FOXM1: variants seen among roughly 807,000 people sequenced by gnomAD.
FOXM1 encodes forkhead box protein M1.
FOXM1 carries 25 observed loss-of-function variants against 63.6 expected under a neutral mutation model. The ratio of observed to expected loss-of-function variants is 0.39; its 90% CI spans 0.29 to 0.55. The LOEUF is 0.55. Ranked by LOEUF, FOXM1 falls within the 20% of genes least tolerant of loss-of-function variation. The probability of loss-of-function intolerance (pLI) is 0.60; values close to 1 mark genes in which losing one functional copy is unlikely to be tolerated. For missense variants in FOXM1, 879 were observed against 958.7 expected (o/e 0.92, Z 1.10); for synonymous variants, 387 against 376.9 (o/e 1.03, Z -0.31).
chr12:2,870,501 A>G (rs922477566), intron 3 of FOXM1, among the ~76,000 whole-genome samples: 1 of 151,872 alleles, frequency 6.6e-6, no homozygotes, highest in Admixed American at 6.6e-5. Context: ...CATCTCTACT[A>G]AAAATAAAAA....
In FOXM1 at chr12:2,872,057, C is replaced by T. The variant is rs199648256; in HGVS notation, c.654+39G>A. On this transcript the variant is annotated intron_variant, in intron 3 of 8. Coordinates refer to ENST00000359843, the MANE Select transcript of FOXM1 (RefSeq NM_021953.4). This position sits in a 1 kb window ranked among gnomAD's most constrained non-coding sequence, Gnocchi z 4.0. ...TTTCCCTACCTAGGAATTCCCTACA[C>T]TGGATCTGATTTCTTTAGTGAGGGA... 1.2e-6 allele frequency: 2 copies of T among 1,610,972 alleles called. No individual in the cohort carries two copies. The highest frequency in any genetic ancestry group is 1.7e-6 in the Non-Finnish European group (2 of 1,177,384).
In FOXM1 at chr12:2,872,615, TAAAA is replaced by T. The variant is rs147408386; in HGVS notation, c.503-372_503-369del. 0.013 allele frequency among the ~76,000 whole-genome samples: 1,956 copies of T among 151,580 alleles called. 17 individuals are homozygous for T. The highest frequency in any genetic ancestry group is 0.048 in the Middle Eastern group (14 of 294). ...GACTCTGTCTCAGAAAAATAAAAAA[TAAAA>T]AAGAAAGAATTGGTGGCTAGGGATC... On this transcript the variant is annotated intron_variant, in intron 2 of 8. Coordinates refer to ENST00000359843, the MANE Select transcript of FOXM1 (RefSeq NM_021953.4). This position sits in a 1 kb window ranked among gnomAD's most constrained non-coding sequence, Gnocchi z 4.0.
chr12:2,874,340 A>G lies in FOXM1; in HGVS notation c.139T>C (p.Ser47Pro), dbSNP rs2098138325. The change falls in exon 2 of 9, where the codon TCC (serine) becomes CCC (proline). Residue 47 changes from serine to proline, a missense_variant. Physicochemically the swap from Ser to Pro is moderately conservative, Grantham distance 74. Transcript: ENST00000359843. The surrounding 1 kb of genome is among the most constrained non-coding windows in gnomAD (Gnocchi z 4.3). ...GAGTTGGACTCTGCCACTTCCTTGG[A>G]GGCCTCTGCTTGATTAGACTCCTGT... The part of the protein sequence containing the change: ...AQQESNQAEA[S>P]KEVAESNSCK... The G allele has an allele frequency of 6.2e-7, 1 of 1,614,110 alleles. No homozygotes were observed.
In FOXM1 at chr12:2,858,887, G is replaced by C; in HGVS notation, c.2043C>G (p.Pro681=). Residue 681 remains proline, a synonymous_variant, in exon 9 of 9, where the codon CCC becomes CCG. Coordinates refer to ENST00000359843, the MANE Select transcript of FOXM1 (RefSeq NM_021953.4). Reference sequence around the variant, plus strand: ...CAAAGGGGACGGAGATGAGGTCTAAGGGTTCTGAACTGAGGAGCCTTTGCG... The same window carrying C: ...CAAAGGGGACGGAGATGAGGTCTAACGGTTCTGAACTGAGGAGCCTTTGCG... ...ESPQRLLSSE[P]LDLISVPFGN... The C allele has an allele frequency of 6.2e-7, 1 of 1,614,092 alleles. No individual in the cohort carries two copies. Among genetic ancestry groups the C allele is most frequent in the Non-Finnish European group, 8.5e-7 (1 of 1,180,022 alleles).
Position 2,874,265 on chromosome 12 carries a change from T to A in FOXM1, c.214A>T (p.Asn72Tyr). Residue 72 changes from asparagine (N) to tyrosine (Y), a missense_variant, in exon 2 of 9, where the codon AAC (asparagine) becomes TAC (tyrosine). Coordinates refer to ENST00000359843, the MANE Select transcript of FOXM1 (RefSeq NM_021953.4). This position sits in a 1 kb window ranked among gnomAD's most constrained non-coding sequence, Gnocchi z 4.3. The stretch of plus-strand genomic sequence containing the variant: ...TTGGGGATGGCCACTACTTGCGTGT[T>A]GGGCATGGTGGGGTGGTTAATAATC... ...IKIINHPTMP[N>Y]TQVVAIPNNA... The A allele has an allele frequency of 6.2e-7, 1 of 1,614,158 alleles. No individual in the cohort carries two copies. The highest frequency in any genetic ancestry group is 8.5e-7 in the Non-Finnish European group (1 of 1,180,032).
rs2098118904 is a variant in FOXM1 at position 2,864,185 on chromosome 12, CTA to C, written c.1266+133_1266+134del. Reference sequence around the variant, plus strand: ...GCTCTTCTAATGCTATTACACTTCCCTATGTTTTTATGCCTTTTCTACCCAAC... The same window carrying C: ...GCTCTTCTAATGCTATTACACTTCCCTGTTTTTATGCCTTTTCTACCCAAC... On this transcript the variant is annotated intron_variant, in intron 8 of 8. Coordinates refer to ENST00000359843, the MANE Select transcript of FOXM1 (RefSeq NM_021953.4). The surrounding 1 kb of genome is among the most constrained non-coding windows in gnomAD (Gnocchi z 5.1). 1.3e-6 allele frequency: 1 copy of C among 775,738 alleles called. No individual in the cohort carries two copies. Among genetic ancestry groups the C allele is most frequent in the South Asian group, 1.7e-5 (1 of 58,172 alleles). The allele number at this position is 775,738 out of a possible 1,614,324, so 48.1% of individuals were successfully genotyped here.
chr12:2,868,318 G>A, intron 4 of FOXM1: 1 of 353,730 alleles, frequency 2.8e-6, no homozygotes, highest in East Asian at 4.4e-5. Flanking sequence ...AGAAAAGTGG[G>A]CTTGAGTGCT....
chr12:2,866,628 A>C, intron 4 of FOXM1, 107 bp from the exon 5 acceptor site: 1 of 1,230,416 alleles, frequency 8.1e-7, no homozygotes, highest in East Asian at 2.9e-5. Flanking sequence ...TGTGCTCAGC[A>C]CAGGCTTCGT....
chr12:2,870,822 G>A (rs975527669), intron 3 of FOXM1, among the ~76,000 whole-genome samples: 1 of 151,948 alleles, frequency 6.6e-6, no homozygotes, highest in Non-Finnish European at 1.5e-5. Context: ...AGCCGGGCGT[G>A]GCAGCGGGCA....
Position 2,864,881 on chromosome 12 carries a change from C to T in FOXM1, c.1021-129G>A. On this transcript the variant is annotated intron_variant, in intron 6 of 8. Coordinates refer to ENST00000359843, the MANE Select transcript of FOXM1 (RefSeq NM_021953.4). The surrounding 1 kb of genome is among the most constrained non-coding windows in gnomAD (Gnocchi z 5.1). ...TAATGACAGCCCAGAGAGAGGAGGC[C>T]AACCTGAGGGGATGGACGTAGGCGA... 1.0e-6 allele frequency: 1 copy of T among 982,474 alleles called. No homozygotes were observed. 60.9% of individuals were successfully genotyped at this position (982,474 alleles called of 1,614,324 possible).
At chr12:2,861,976 C>A (rs897925976) in intron 8 of FOXM1, among the ~76,000 whole-genome samples, 1 of 151,894 alleles carries the variant, frequency 6.6e-6, no homozygotes, top group South Asian at 2.1e-4. Flanking sequence ...GTCAGGAGCT[C>A]GAGACCAGCC....
Position 2,858,533 on chromosome 12 carries a change from C to T in FOXM1, c.*105G>A, listed in dbSNP as rs898713926. 1 of 969,316 alleles carries T rather than the reference C, an allele frequency of 1.0e-6. No individual in the cohort carries two copies. The highest frequency in any genetic ancestry group is 1.5e-6 in the Non-Finnish European group (1 of 659,920). The allele number at this position is 969,316 out of a possible 1,614,324, so 60.0% of individuals were successfully genotyped here. A position where few individuals can be genotyped will look rare whatever the true frequency, so the allele number is the denominator to read the frequency against. On this transcript the variant is annotated 3_prime_UTR_variant, in exon 9 of 9. Transcript: ENST00000359843. ...TCAGGCAGCAGGGAGCTATGAGGAG[C>T]AGAACAGTCCCTGCCTGCTGTCCTC...
intron 3 of FOXM1, among the ~76,000 whole-genome samples, chr12:2,869,612 AT>A (rs2098129412): frequency 6.6e-6 from 1 of 151,208 alleles, no homozygotes; most frequent in Non-Finnish European, 1.5e-5. Flanking sequence ...CTTTTTTTGT[AT>A]TTTTAGTAGA....
rs773729390 is a variant in FOXM1, at chr12:2,861,306, CAAAG to C, written c.1267-1647_1267-1644del. The C allele has an allele frequency of 2.2e-4, 163 of 730,820 alleles. 1 individual carries two copies. The highest frequency in any genetic ancestry group is 3.1e-4 in the Non-Finnish European group (123 of 401,684). 45.3% of individuals were successfully genotyped at this position (730,820 alleles called of 1,614,324 possible). A position where few individuals can be genotyped will look rare whatever the true frequency, so the allele number is the denominator to read the frequency against. On this transcript the variant is annotated intron_variant, in intron 8 of 8. Coordinates refer to ENST00000359843, the MANE Select transcript of FOXM1 (RefSeq NM_021953.4). ...CAAGGTGCTCAGACTTACTGATAAA[CAAAG>C]AAAGATAAAATTAAACAAGCTGGTG...
Position 2,864,881 on chromosome 12 carries a change from C to A in FOXM1, c.1021-129G>T. 1 of 982,470 alleles carries A rather than the reference C, an allele frequency of 1.0e-6. No homozygotes were observed. The highest frequency in any genetic ancestry group is 1.6e-6 in the Non-Finnish European group (1 of 620,410). 60.9% of individuals were successfully genotyped at this position (982,470 alleles called of 1,614,324 possible). A position where few individuals can be genotyped will look rare whatever the true frequency, so the allele number is the denominator to read the frequency against. On this transcript the variant is annotated intron_variant, in intron 6 of 8. Coordinates refer to ENST00000359843, the MANE Select transcript of FOXM1 (RefSeq NM_021953.4). This position sits in a 1 kb window ranked among gnomAD's most constrained non-coding sequence, Gnocchi z 5.1. Reference sequence around the variant, plus strand: ...TAATGACAGCCCAGAGAGAGGAGGCCAACCTGAGGGGATGGACGTAGGCGA... The same window carrying A: ...TAATGACAGCCCAGAGAGAGGAGGCAAACCTGAGGGGATGGACGTAGGCGA...
intron 3 of FOXM1, among the ~76,000 whole-genome samples, chr12:2,869,212 G>C (rs1446271392): frequency 6.6e-6 from 1 of 152,182 alleles, no homozygotes; most frequent in Non-Finnish European, 1.5e-5. Context: ...CTATGAGTCA[G>C]ACAATGTCTG....
At chr12:2,876,027 C>T (rs1007034313) in intron 1 of FOXM1, among the ~76,000 whole-genome samples, 13 of 151,812 alleles carry the variant, frequency 8.6e-5, no homozygotes, top group Admixed American at 6.6e-4. Context: ...TCCCAAAGTG[C>T]TGGGATTACA....
intron 3 of FOXM1, 55 bp from the exon 4 acceptor site, chr12:2,868,809 A>G (rs2098128093): frequency 1.4e-6 from 2 of 1,435,900 alleles, no homozygotes; most frequent in African/African-American, 1.4e-5. Context: ...AGCACCCCCA[A>G]CCCAAGCCCT....
Position 2,864,611 on chromosome 12 carries a change from C to G in FOXM1, c.1090+72G>C. 1.3e-6 allele frequency: 2 copies of G among 1,595,202 alleles called. No individual in the cohort carries two copies. Among genetic ancestry groups the G allele is most frequent in the Non-Finnish European group, 1.7e-6 (2 of 1,163,418 alleles). On this transcript the variant is annotated intron_variant, in intron 7 of 8. Transcript: ENST00000359843. The surrounding 1 kb of genome is among the most constrained non-coding windows in gnomAD (Gnocchi z 5.1). The stretch of plus-strand genomic sequence containing the variant: ...ATCCCTTTGAGGTGGGAACAGAATC[C>G]CAGAGTCTGGTTCCCTAAAGATATG...
Sources: gnomAD v4.1 joint callset for allele counts (sites outside exome capture counted in the v4.1 genomes callset) on GRCh38, gnomAD v4.1.1 for gene constraint, Gnocchi (gnomAD v3.1) non-coding constraint, MANE v1.5 for transcripts, NCBI Gene and HGNC (gene_info 2026-07-23, HGNC 2026-07-21) for gene names.